Variants in GDAP1L1 observed in about 807,000 individuals in gnomAD.
The protein encoded by GDAP1L1 is ganglioside-induced differentiation-associated protein 1-like 1.
Under a neutral mutation model 37.1 loss-of-function variants are expected in GDAP1L1, and 21 were observed. The ratio of observed to expected loss-of-function variants is 0.57; its 90% CI spans 0.40 to 0.81. The LOEUF is 0.81. Among genes scored for constraint, GDAP1L1 ranks in the 40% least tolerant of loss-of-function variants. GDAP1L1 has a pLI of 0.00. For synonymous variants in GDAP1L1, 193 were observed against 209.1 expected (o/e 0.92, Z 0.67); for missense variants, 362 against 491.6 (o/e 0.74, Z 2.49).
chr20:44,254,749 CA>C (rs1177233989), intron 1 of GDAP1L1, among the ~76,000 whole-genome samples: 2 of 152,180 alleles, frequency 1.3e-5, no homozygotes, highest in Non-Finnish European at 2.9e-5. Flanking sequence ...GCTAATGGAG[CA>C]AATAAGTCTG....
In GDAP1L1 at chr20:44,279,692, C is replaced by T. The variant is rs1178187179; in HGVS notation, c.*392C>T. 2.1e-6 allele frequency: 1 copy of T among 475,770 alleles called. No homozygotes were observed. Among genetic ancestry groups the T allele is most frequent in the Non-Finnish European group, 4.3e-6 (1 of 230,324 alleles). 29.5% of individuals were successfully genotyped at this position (475,770 alleles called of 1,614,324 possible). ...GTGCTGGGGACTCAGAGGGCCTGAC[C>T]CCTCACCTCCCCTTCCCTCTTGCCC... On this transcript the variant is annotated 3_prime_UTR_variant, in exon 6 of 6. Coordinates refer to ENST00000342560, the MANE Select transcript of GDAP1L1 (RefSeq NM_024034.6).
intron 1 of GDAP1L1, among the ~76,000 whole-genome samples, chr20:44,249,556 A>G (rs1222573153): frequency 3.3e-5 from 5 of 152,186 alleles, no homozygotes; most frequent in Admixed American, 3.3e-4. Context: ...GGGACCAGAC[A>G]GGGGGCAGGG....
chr20:44,276,412 A>AAGAAAGAAAGAAAGAAAG (rs1555801147), intron 5 of GDAP1L1, among the ~76,000 whole-genome samples: 7 of 113,306 alleles, frequency 6.2e-5, no homozygotes, highest in Non-Finnish European at 5.3e-5. Context: ...AGAAAAAAGA[A>AAGAAAGAAAGAAAGAAAG]AAAGAAAGAA....
At chr20:44,257,378 CA>C (rs2073578172) in intron 2 of GDAP1L1, 33 bp downstream of exon 2, 6 of 1,590,694 alleles carry the variant, frequency 3.8e-6, no homozygotes, top group Middle Eastern at 1.7e-4. Flanking sequence ...GGGCCCACTC[CA>C]TACCACAGAT....
intron 5 of GDAP1L1, among the ~76,000 whole-genome samples, chr20:44,272,904 G>A (rs1168846625): frequency 6.6e-6 from 1 of 152,232 alleles, no homozygotes. Context: ...ATAAACAATC[G>A]GCTGCATGGA....
rs537883472 is a variant in GDAP1L1 at position 44,277,218 on chromosome 20, C to T, written c.761-1739C>T. On this transcript the variant is annotated intron_variant, in intron 5 of 5. Transcript: ENST00000342560. Reference sequence around the variant, plus strand: ...TTTTGTATTTTTAGTAGAGCCACCCCGGCCTCCCAAAGTGCTGGGATTACA... The same window carrying T: ...TTTTGTATTTTTAGTAGAGCCACCCTGGCCTCCCAAAGTGCTGGGATTACA... Among the ~76,000 whole-genome samples, 19 of 152,012 alleles carry T rather than the reference C, an allele frequency of 1.2e-4. No individual in the cohort carries two copies. The East Asian group carries it at 3.5e-3, about 28-fold the overall frequency.
chr20:44,272,877 T>G (rs1187425218), intron 5 of GDAP1L1, among the ~76,000 whole-genome samples: 2 of 151,912 alleles, frequency 1.3e-5, no homozygotes, highest in Admixed American at 1.3e-4. Context: ...CCCAGGAGAG[T>G]GAATATCCAC....
At chr20:44,264,798 A>T in intron 5 of GDAP1L1, 1 of 1,156,296 alleles carries the variant, frequency 8.6e-7, no homozygotes, top group Admixed American at 3.3e-5. Context: ...TGGGGATAAT[A>T]GTAGGACCTG....
At chr20:44,270,743 C>T (rs2062506599) in intron 5 of GDAP1L1, among the ~76,000 whole-genome samples, 1 of 152,194 alleles carries the variant, frequency 6.6e-6, no homozygotes, top group Admixed American at 6.5e-5. Context: ...TCTCAATAGG[C>T]TGCTTGGGTT....
intron 5 of GDAP1L1, among the ~76,000 whole-genome samples, chr20:44,277,246 C>T (rs529403221): frequency 6.0e-4 from 91 of 152,158 alleles, no homozygotes; most frequent in South Asian, 2.7e-3. Flanking sequence ...GGATTACAGG[C>T]GTGAGCCACG....
chr20:44,258,701 C>T, intron 3 of GDAP1L1, 94 bp downstream of exon 3: 1 of 856,998 alleles, frequency 1.2e-6, no homozygotes, highest in East Asian at 2.7e-5. Flanking sequence ...GGGCCTCTCT[C>T]TGTCCTCCCC....
rs959787230 is a variant in GDAP1L1, at chr20:44,254,866, C to G, written c.181-2287C>G. ...CTGTGAGGGTGGGGCATGAAGTACT[C>G]TAGGACACACCAGGGTGTGTGTGTG... On this transcript the variant is annotated intron_variant, in intron 1 of 5. Transcript: ENST00000342560. 9.9e-5 allele frequency among the ~76,000 whole-genome samples: 15 copies of G among 152,142 alleles called. 1 individual carries two copies. The East Asian group carries it at 1.3e-3, about 14-fold the overall frequency.
intron 2 of GDAP1L1, chr20:44,258,067 G>T (rs529392365): frequency 2.0e-4 from 137 of 678,242 alleles, no homozygotes; most frequent in Middle Eastern, 1.3e-3. Context: ...AGGGCATCAG[G>T]GCCCAGACAT....
At chr20:44,249,563 A>C (rs1466578592) in intron 1 of GDAP1L1, among the ~76,000 whole-genome samples, 1 of 152,228 alleles carries the variant, frequency 6.6e-6, no homozygotes. Context: ...GACAGGGGGC[A>C]GGGAGGTGGC....
intron 5 of GDAP1L1, among the ~76,000 whole-genome samples, chr20:44,273,822 T>C (rs1040921467): frequency 1.3e-5 from 2 of 152,120 alleles, no homozygotes; most frequent in African/African-American, 4.8e-5. Flanking sequence ...CTGATCACTT[T>C]AGGTTAGTGC....
In GDAP1L1 at chr20:44,270,332, G is replaced by A. The variant is rs1010872635; in HGVS notation, c.760+5773G>A. 1.3e-4 allele frequency among the ~76,000 whole-genome samples: 19 copies of A among 151,386 alleles called. No homozygotes were observed. The South Asian group carries it at 1.3e-3, about 10-fold the overall frequency. On this transcript the variant is annotated intron_variant, in intron 5 of 5. Transcript: ENST00000342560. ...ACTACAGGCGCCCGCCACTACGCCC[G>A]GCTAATTTTTTGTATTTTTAGTAGA... is the stretch of plus-strand genomic sequence containing the variant.
Position 44,279,081 on chromosome 20 carries a change from G to A in GDAP1L1, c.885G>A (p.Arg295=), listed in dbSNP as rs2062614691. The change falls in exon 6 of 6, where the codon CGG becomes CGA. Residue 295 remains arginine (R), a synonymous_variant. Transcript: ENST00000342560. ...AGAAATACTGGGAAGATGGCAGCCG[G>A]CCCAACCTGCAGTCCTTCTTTGAGA... ...LSKKYWEDGS[R]PNLQSFFERV... 1 of 1,614,042 alleles carries A rather than the reference G, an allele frequency of 6.2e-7. No homozygotes were observed. Among genetic ancestry groups the A allele is most frequent in the African/African-American group, 1.3e-5 (1 of 74,918 alleles).
In GDAP1L1 at chr20:44,280,559, T is replaced by C. The variant is rs2062629816; in HGVS notation, c.*1259T>C. The C allele has an allele frequency of 6.6e-6, 1 of 152,500 alleles. No individual in the cohort carries two copies. The highest frequency in any genetic ancestry group is 1.5e-5 in the Non-Finnish European group (1 of 68,132). 9.4% of individuals were successfully genotyped at this position (152,500 alleles called of 1,614,324 possible). On this transcript the variant is annotated 3_prime_UTR_variant, in exon 6 of 6. Transcript: ENST00000342560. Reference sequence around the variant, plus strand: ...AGACTGACTTTCCAGGGCTCTGACCTTAACATCAACCCAGCTCATTTAGGC... The same window carrying C: ...AGACTGACTTTCCAGGGCTCTGACCCTAACATCAACCCAGCTCATTTAGGC...
At chr20:44,247,248 C>G, upstream of GDAP1L1, 3 of 1,331,700 alleles carry the variant, frequency 2.3e-6, no homozygotes, top group Non-Finnish European at 3.2e-6. Flanking sequence ...AGGAGAGGGG[C>G]AGGCTCGGCG....
Sources: gnomAD v4.1 joint callset for allele counts (sites outside exome capture counted in the v4.1 genomes callset) on GRCh38, gnomAD v4.1.1 for gene constraint, MANE v1.5 for transcripts, NCBI Gene and HGNC (gene_info 2026-07-23, HGNC 2026-07-21) for gene names.